Variants in DYNC1H1 observed in about 807,000 individuals in gnomAD.
DYNC1H1 encodes dynein cytoplasmic 1 heavy chain 1.
A neutral mutation model predicts 527.1 loss-of-function variants in DYNC1H1; 51 were observed. That is an observed-to-expected ratio of 0.10 (90% CI 0.08 to 0.12). DYNC1H1 has a LOEUF of 0.12. Ranked by LOEUF, DYNC1H1 falls within the 10% of genes least tolerant of loss-of-function variation. The probability of loss-of-function intolerance (pLI) is 1.00; values close to 1 mark genes in which losing one functional copy is unlikely to be tolerated. For missense variants in DYNC1H1, 2,771 were observed against 5,971.8 expected, an observed-to-expected ratio of 0.46 and a Z score of 17.66; for synonymous variants, 2,189 against 2,278.8, an observed-to-expected ratio of 0.96 and a Z score of 1.12.
At chr14:101,975,910 C>CA in intron 2 of DYNC1H1, 111 bp downstream of exon 2, 4 of 681,142 alleles carry the variant, frequency 5.9e-6, no homozygotes, top group Non-Finnish European at 9.2e-6. Context: ...TAATATAAAT[C>CA]TTTTTTTTTT....
chr14:101,992,430 C>A (rs2048008076), intron 11 of DYNC1H1, among the ~76,000 whole-genome samples: 1 of 152,192 alleles, frequency 6.6e-6, no homozygotes, highest in African/African-American at 2.4e-5. Flanking sequence ...AGTCTACGTA[C>A]AATCCTTAGC....
chr14:102,027,961 C>T lies in DYNC1H1; in HGVS notation c.9288C>T (p.Asp3096=). 6.2e-7 allele frequency: 1 copy of T among 1,614,160 alleles called. No individual in the cohort carries two copies. Reference sequence around the variant, plus strand: ...GGTGTGTGTTGAATTGGTTTGGAGACTGGTCCACCGAAGCACTGTATCAGG... The same window carrying T: ...GGTGTGTGTTGAATTGGTTTGGAGATTGGTCCACCGAAGCACTGTATCAGG... ...FNRCVLNWFG[D]WSTEALYQVG... is the part of the protein sequence containing the mutation. The change falls in exon 48 of 78, where the codon GAC becomes GAT. Residue 3096 remains aspartate, a synonymous_variant. Transcript: ENST00000360184. This position sits in a 1 kb window ranked among gnomAD's most constrained non-coding sequence, Gnocchi z 7.7.
rs2048815802 is a variant in DYNC1H1, at chr14:102,051,827, T to G, written c.*1264T>G. 1 of 150,894 alleles carries G rather than the reference T, an allele frequency of 6.6e-6. No homozygotes were observed. The highest frequency in any genetic ancestry group is 1.5e-5 in the Non-Finnish European group (1 of 67,778). 9.3% of individuals were successfully genotyped at this position (150,894 alleles called of 1,614,324 possible). On this transcript the variant is annotated 3_prime_UTR_variant, in exon 78 of 78. Coordinates refer to ENST00000360184, the MANE Select transcript of DYNC1H1 (RefSeq NM_001376.5). Reference sequence around the variant, plus strand: ...CCTCGGCCTCCTGAATAGCTGGGATTACAGGCATGCACCACCATGCCCAGC... The same window carrying G: ...CCTCGGCCTCCTGAATAGCTGGGATGACAGGCATGCACCACCATGCCCAGC...
Position 102,008,330 on chromosome 14 carries a change from C to T in DYNC1H1, c.5970C>T (p.Tyr1990=), listed in dbSNP as rs751526144. Residue 1990 remains tyrosine, a synonymous_variant, in exon 29 of 78, where the codon TAC becomes TAT. Coordinates refer to ENST00000360184, the MANE Select transcript of DYNC1H1 (RefSeq NM_001376.5). ...EALREHSNPN[Y]DKTSAPITCE... is the part of the protein sequence containing the mutation. Reference sequence around the variant, plus strand: ...TGCGTGAACATTCCAACCCCAACTACGACAAGAGTAAGACACCTCTTCTTC... The same window carrying T: ...TGCGTGAACATTCCAACCCCAACTATGACAAGAGTAAGACACCTCTTCTTC... 2.6e-5 allele frequency: 42 copies of T among 1,613,996 alleles called. No homozygotes were observed. In the Admixed American group the frequency reaches 3.3e-4, roughly 13 times the overall value.
chr14:101,987,443 C>A lies in DYNC1H1; in HGVS notation c.2539-10C>A, dbSNP rs1372571783. On this transcript the variant is annotated splice_polypyrimidine_tract_variant and intron_variant, in intron 8 of 77. Coordinates refer to ENST00000360184, the MANE Select transcript of DYNC1H1 (RefSeq NM_001376.5). ...TGGGTGTTTTAAATATTAAATATTTCTTCCTTCAGGTGGATGATCTGCTGA... is the reference window on the plus strand; with the variant it reads ...TGGGTGTTTTAAATATTAAATATTTATTCCTTCAGGTGGATGATCTGCTGA... The A allele has an allele frequency of 6.2e-7, 1 of 1,613,258 alleles. No homozygotes were observed. The highest frequency in any genetic ancestry group is 8.5e-7 in the Non-Finnish European group (1 of 1,179,448).
At chr14:101,992,164 C>T (rs1014597049) in intron 11 of DYNC1H1, among the ~76,000 whole-genome samples, 1 of 152,158 alleles carries the variant, frequency 6.6e-6, no homozygotes, top group Non-Finnish European at 1.5e-5. Flanking sequence ...CATTTAGTCC[C>T]CAGTGTCACT....
chr14:101,964,855 C>T lies in DYNC1H1; in HGVS notation c.164C>T (p.Ala55Val), dbSNP rs1280428111. The change falls in exon 1 of 78, where the codon GCG (alanine) becomes GTG (valine). Residue 55 changes from alanine to valine, a missense_variant. By Grantham distance (64) the Ala-to-Val change is moderately conservative. Transcript: ENST00000360184. This position sits in a 1 kb window ranked among gnomAD's most constrained non-coding sequence, Gnocchi z 5.5. ...GGEAPAALEA[A>V]LEEKSALEQM... is the part of the protein sequence containing the mutation. ...GAGGCGCCGGCCGCGCTGGAGGCGG[C>T]GCTGGAGGAGAAGAGCGCCCTGGAG... 3 of 1,597,658 alleles carry T rather than the reference C, an allele frequency of 1.9e-6. No homozygotes were observed. The South Asian group carries it at 3.4e-5, about 18-fold the overall frequency.
rs752993216 is a variant in DYNC1H1 at position 102,050,565 on chromosome 14, CTT to C, written c.*5_*6del. On this transcript the variant is annotated 3_prime_UTR_variant, in exon 78 of 78. Transcript: ENST00000360184. ...GTCGCAGTCTTGTGCACAGAGTAAA[CTT>C]TTCTAGCTGCCCCTTTCTGTAATAG... 8 of 1,614,224 alleles carry C rather than the reference CTT, an allele frequency of 5.0e-6. No individual in the cohort carries two copies. The highest frequency in any genetic ancestry group is 6.8e-6 in the Non-Finnish European group (8 of 1,180,040).
intron 41 of DYNC1H1, among the ~76,000 whole-genome samples, chr14:102,019,397 C>T (rs375064543): frequency 2.6e-5 from 4 of 152,346 alleles, no homozygotes; most frequent in Admixed American, 2.0e-4. Context: ...GTGTCTCCCT[C>T]GCTCTTCATG....
In DYNC1H1 at chr14:102,017,054, T is replaced by A; in HGVS notation, c.7849-34T>A. ...CTTTTGGTGCTGAGCATGGGGTTGG[T>A]CTTACAGTGTGGTTTTGTGTCTTCC... On this transcript the variant is annotated intron_variant, in intron 38 of 77. Transcript: ENST00000360184. The surrounding 1 kb of genome is among the most constrained non-coding windows in gnomAD (Gnocchi z 4.6). 1 of 1,614,230 alleles carries A rather than the reference T, an allele frequency of 6.2e-7. No homozygotes were observed. Among genetic ancestry groups the A allele is most frequent in the Non-Finnish European group, 8.5e-7 (1 of 1,180,038 alleles).
chr14:102,050,342 C>A, intron 77 of DYNC1H1, 93 bp from the exon 78 acceptor site: 3 of 1,611,910 alleles, frequency 1.9e-6, no homozygotes, highest in Admixed American at 1.7e-5. Flanking sequence ...CTGTCCAAAC[C>A]TCTCCTTGCC....
In DYNC1H1 at chr14:102,016,676, C is replaced by G; in HGVS notation, c.7615-90C>G. On this transcript the variant is annotated intron_variant, in intron 37 of 77. Transcript: ENST00000360184. This position sits in a 1 kb window ranked among gnomAD's most constrained non-coding sequence, Gnocchi z 7.3. ...TAACCTGACCAATTACTTCCTTGTTCTGAAAGTTCAAGTTTGTGTTCAGGT... is the reference window on the plus strand; with the variant it reads ...TAACCTGACCAATTACTTCCTTGTTGTGAAAGTTCAAGTTTGTGTTCAGGT... The G allele has an allele frequency of 6.5e-7, 1 of 1,547,902 alleles. No homozygotes were observed. The highest frequency in any genetic ancestry group is 8.8e-7 in the Non-Finnish European group (1 of 1,136,428).
chr14:101,988,735 T>C lies in DYNC1H1; in HGVS notation c.2751T>C (p.Ala917=), dbSNP rs2141276642. The change falls in exon 10 of 78, where the codon GCT becomes GCC. Residue 917 remains alanine (A), a synonymous_variant. Coordinates refer to ENST00000360184, the MANE Select transcript of DYNC1H1 (RefSeq NM_001376.5). ...IERILGVRLQ[A]GLRAWTQVLL... is the part of the protein sequence containing the mutation. ...GAATATTGGGCGTCCGTCTGCAAGC[T>C]GGCCTGAGAGCTTGGACGCAGGTTC... 6.2e-7 allele frequency: 1 copy of C among 1,614,198 alleles called. No individual in the cohort carries two copies. Among genetic ancestry groups the C allele is most frequent in the Non-Finnish European group, 8.5e-7 (1 of 1,180,036 alleles).
chr14:102,002,933 A>G lies in DYNC1H1; in HGVS notation c.4851A>G (p.Glu1617=). The change falls in exon 23 of 78, where the codon GAA becomes GAG. Residue 1617 remains glutamate (E), a synonymous_variant. Transcript: ENST00000360184. The surrounding 1 kb of genome is among the most constrained non-coding windows in gnomAD (Gnocchi z 4.4). The part of the protein sequence containing the change: ...LLGKIQKALG[E]YLERERSSFP... ...GAAAGATCCAGAAAGCATTGGGAGA[A>G]TATCTGGAAAGAGAGCGGTCATCTT... 6.2e-7 allele frequency: 1 copy of G among 1,614,208 alleles called. No individual in the cohort carries two copies. The highest frequency in any genetic ancestry group is 8.5e-7 in the Non-Finnish European group (1 of 1,180,040).
chr14:102,024,697 T>C (rs1421112389), intron 43 of DYNC1H1, among the ~76,000 whole-genome samples: 1 of 146,094 alleles, frequency 6.8e-6, no homozygotes, highest in African/African-American at 2.5e-5. Flanking sequence ...TAACTCTTTT[T>C]TTTTTTTTTT....
chr14:102,010,957 C>G lies in DYNC1H1; in HGVS notation c.6618+5C>G. ...GGTGGAATGTGGGTTGAAAAGGTAACTTGGATTGTTTCACTGGCCACTGCC... is the reference window on the plus strand; with the variant it reads ...GGTGGAATGTGGGTTGAAAAGGTAAGTTGGATTGTTTCACTGGCCACTGCC... On this transcript the variant is annotated splice_donor_5th_base_variant and intron_variant, in intron 32 of 77. Transcript: ENST00000360184. This position sits in a 1 kb window ranked among gnomAD's most constrained non-coding sequence, Gnocchi z 6.0. 1 of 1,614,186 alleles carries G rather than the reference C, an allele frequency of 6.2e-7. No individual in the cohort carries two copies. The highest frequency in any genetic ancestry group is 8.5e-7 in the Non-Finnish European group (1 of 1,180,020).
chr14:102,033,790 C>G lies in DYNC1H1; in HGVS notation c.10414-186C>G. 1.4e-6 allele frequency: 1 copy of G among 723,634 alleles called. No homozygotes were observed. Among genetic ancestry groups the G allele is most frequent in the Non-Finnish European group, 2.3e-6 (1 of 430,606 alleles). The allele number at this position is 723,634 out of a possible 1,614,324, so 44.8% of individuals were successfully genotyped here. On this transcript the variant is annotated intron_variant, in intron 54 of 77. Transcript: ENST00000360184. The surrounding 1 kb of genome is among the most constrained non-coding windows in gnomAD (Gnocchi z 5.6). ...ACCCAGCTTCTGCCCCGCTGAGATTCTGAGTCGTGTGTGGTCATTAGTTAT... is the reference window on the plus strand; with the variant it reads ...ACCCAGCTTCTGCCCCGCTGAGATTGTGAGTCGTGTGTGGTCATTAGTTAT...
chr14:102,002,851 A>G lies in DYNC1H1; in HGVS notation c.4769A>G (p.Asp1590Gly), dbSNP rs2048147704. The G allele has an allele frequency of 6.2e-7, 1 of 1,614,212 alleles. No homozygotes were observed. The highest frequency in any genetic ancestry group is 1.3e-5 in the African/African-American group (1 of 75,044). ...KKVSKSPLVM[D>G]VLNIQGVQRS... ...GTGTCCAAGTCTCCCCTTGTTATGG[A>G]TGTTCTGAACATCCAGGGAGTACAG... is the stretch of plus-strand genomic sequence containing the variant. Residue 1590 changes from aspartate to glycine, a missense_variant, in exon 23 of 78, where the codon GAT (aspartate) becomes GGT (glycine). Around this residue, in one of 32 missense-constraint regions of DYNC1H1, gnomAD observed 51 missense variants for 189.2 expected, o/e 0.27. Transcript: ENST00000360184. This position sits in a 1 kb window ranked among gnomAD's most constrained non-coding sequence, Gnocchi z 4.4.
intron 11 of DYNC1H1, 40 bp from the exon 12 acceptor site, chr14:101,994,144 A>T: frequency 1.2e-6 from 2 of 1,614,078 alleles, no homozygotes; most frequent in Non-Finnish European, 1.7e-6. Flanking sequence ...TACCATTTTC[A>T]TATACACTGC....
Sources: allele counts gnomAD v4.1 joint callset (sites outside exome capture counted in the v4.1 genomes callset), GRCh38; gene constraint gnomAD v4.1.1; regional missense constraint gnomAD v4.1.1; non-coding constraint Gnocchi (gnomAD v3.1); transcripts MANE v1.5; gene names NCBI Gene and HGNC (gene_info 2026-07-23, HGNC 2026-07-21).